The following RGS7 variants were observed in gnomAD, a reference collection of about 807,000 sequenced individuals.
The protein encoded by RGS7 is regulator of G protein signaling 7, also known as regulator of G-protein signaling 7.
Under a neutral mutation model 81.1 loss-of-function variants are expected in RGS7, and 27 were observed. That is an observed-to-expected ratio of 0.33 (90% confidence interval 0.25 to 0.46). The LOEUF (loss-of-function observed/expected upper bound fraction) is 0.46, where lower values mean the gene tolerates loss of function less well. RGS7 is among the 20% of genes least tolerant of loss of function. The pLI is 1.00. For missense variants in RGS7, 396 were observed against 607.4 expected, an observed-to-expected ratio of 0.65 and a Z score of 3.66; for synonymous variants, 208 against 207.7, an observed-to-expected ratio of 1.00 and a Z score of -0.01.
intron 6 of RGS7, among the ~76,000 whole-genome samples, chr1:240,874,624 A>G (rs1168660871): frequency 5.3e-5 from 8 of 152,214 alleles, no homozygotes; most frequent in Admixed American, 1.3e-4. Context: ...GAGAAATTGC[A>G]TATATTTATA....
At position 241,192,166 on chromosome 1, in the gene RGS7, G is replaced by A. The variant is rs985303000; in HGVS notation, c.79-93404C>T. On this transcript the variant is annotated intron_variant, in intron 2 of 18. Coordinates refer to ENST00000440928, the MANE Select transcript of RGS7 (RefSeq NM_001364886.1). ...ATTTGGCTAGAGAAAACAGGTGTGT[G>A]TGTGTGTGTGTGTGTGTGTGTGTGT... Among the ~76,000 whole-genome samples, 245 of 78,618 alleles carry A rather than the reference G, an allele frequency of 3.1e-3. 1 individual carries two copies. Among genetic ancestry groups the A allele is most frequent in the East Asian group, 0.012 (16 of 1,298 alleles). 51.6% of individuals were successfully genotyped at this position (78,618 alleles called of 152,430 possible).
At chr1:241,251,668 C>A (rs898531487) in intron 2 of RGS7, among the ~76,000 whole-genome samples, 2 of 151,954 alleles carry the variant, frequency 1.3e-5, no homozygotes, top group Non-Finnish European at 2.9e-5. Context: ...TGCCACCACG[C>A]CCAGCTAATT....
chr1:240,986,561 C>G (rs1685694913), intron 3 of RGS7, among the ~76,000 whole-genome samples: 1 of 51,342 alleles, frequency 1.9e-5, no homozygotes, highest in African/African-American at 8.2e-5. Flanking sequence ...GTAATTTAAA[C>G]ACCACTATTA....
intron 6 of RGS7, among the ~76,000 whole-genome samples, chr1:240,918,103 G>C (rs12057833): frequency 4.5e-4 from 68 of 152,100 alleles, no homozygotes; most frequent in African/African-American, 1.6e-3. Flanking sequence ...CAAAATACTT[G>C]AGGTAAAAAC....
At chr1:241,076,463 G>A (rs2062806182) in intron 3 of RGS7, among the ~76,000 whole-genome samples, 1 of 152,164 alleles carries the variant, frequency 6.6e-6, no homozygotes, top group African/African-American at 2.4e-5. Flanking sequence ...CTCACTCGGA[G>A]CAATCTCTGA....
intron 2 of RGS7, among the ~76,000 whole-genome samples, chr1:241,253,005 C>T (rs758664676): frequency 1.3e-4 from 20 of 152,142 alleles, no homozygotes; most frequent in Non-Finnish European, 2.8e-4. Flanking sequence ...TACATAGCAC[C>T]CTAGGTCAGA....
chr1:240,801,612 A>G, intron 16 of RGS7, 104 bp from the exon 17 acceptor site: 1 of 806,140 alleles, frequency 1.2e-6, no homozygotes, highest in Non-Finnish European at 2.1e-6. Flanking sequence ...TAATGAAATG[A>G]TGCAACACCA....
At chr1:240,994,410 C>T (rs1036417357) in intron 3 of RGS7, among the ~76,000 whole-genome samples, 3 of 152,110 alleles carry the variant, frequency 2.0e-5, no homozygotes, top group African/African-American at 7.2e-5. Flanking sequence ...TGATTAACAC[C>T]TATTTAATTT....
chr1:241,135,930 C>T (rs895860187), intron 2 of RGS7, among the ~76,000 whole-genome samples: 3 of 142,180 alleles, frequency 2.1e-5, no homozygotes, highest in Admixed American at 7.2e-5. Context: ...AGTGACAGGA[C>T]GAATCCCTTG....
At chr1:240,845,468 T>C (rs1205546860) in intron 9 of RGS7, among the ~76,000 whole-genome samples, 3 of 152,232 alleles carry the variant, frequency 2.0e-5, no homozygotes, top group African/African-American at 7.2e-5. Flanking sequence ...CTGTGTCTTA[T>C]GAATTGACAA....
chr1:241,295,001 A>G (rs563641052), intron 2 of RGS7, among the ~76,000 whole-genome samples: 1 of 152,384 alleles, frequency 6.6e-6, no homozygotes, highest in African/African-American at 2.4e-5. Flanking sequence ...ACTATAAATC[A>G]GCAAAAATAA....
At chr1:240,804,207 AG>A (rs1469906154) in intron 15 of RGS7, among the ~76,000 whole-genome samples, 1 of 152,216 alleles carries the variant, frequency 6.6e-6, no homozygotes, top group Non-Finnish European at 1.5e-5. Context: ...TGATGATTAA[AG>A]GAATAATAAA....
chr1:240,891,206 G>GGGGA (rs1450272799), intron 6 of RGS7, among the ~76,000 whole-genome samples: 2 of 151,858 alleles, frequency 1.3e-5, no homozygotes, highest in African/African-American at 4.8e-5. Context: ...ATCACTGGGG[G>GGGGA]GGTGGTTATG....
intron 2 of RGS7, among the ~76,000 whole-genome samples, chr1:241,214,255 C>G (rs1333420397): frequency 5.9e-5 from 9 of 151,768 alleles, no homozygotes; most frequent in Admixed American, 4.6e-4. Flanking sequence ...TTTATTATGC[C>G]TTCATTTTAA....
intron 9 of RGS7, among the ~76,000 whole-genome samples, chr1:240,838,833 C>G (rs1360489288): frequency 6.6e-6 from 1 of 151,578 alleles, no homozygotes; most frequent in Admixed American, 6.6e-5. Flanking sequence ...GTGGCGCCAT[C>G]TCGGCTCACC....
intron 3 of RGS7, among the ~76,000 whole-genome samples, chr1:241,063,252 G>A (rs528298408): frequency 2.0e-5 from 3 of 152,290 alleles, no homozygotes; most frequent in South Asian, 4.1e-4. Flanking sequence ...GGAGTTCTAA[G>A]GGGCAGGAGT....
At chr1:241,174,635 C>T (rs1490788801) in intron 2 of RGS7, among the ~76,000 whole-genome samples, 1 of 152,140 alleles carries the variant, frequency 6.6e-6, no homozygotes, top group African/African-American at 2.4e-5. Context: ...TCATTTTACA[C>T]ATGAGGAAAC....
chr1:240,919,829 C>A, intron 6 of RGS7: 1 of 768,436 alleles, frequency 1.3e-6, no homozygotes, highest in South Asian at 1.4e-5. Context: ...TTGGGTTTGT[C>A]ACATAGGCCA....
chr1:240,887,710 ATTT>A (rs530606161), intron 6 of RGS7, among the ~76,000 whole-genome samples: 1 of 152,138 alleles, frequency 6.6e-6, no homozygotes, highest in African/African-American at 2.4e-5. Context: ...ATTTTTAAAT[ATTT>A]TTTTAAATTA....
Sources: gnomAD v4.1 joint callset for allele counts (sites outside exome capture counted in the v4.1 genomes callset) on GRCh38, gnomAD v4.1.1 for gene constraint, MANE v1.5 for transcripts, NCBI Gene and HGNC (gene_info 2026-07-23, HGNC 2026-07-21) for gene names.